ELK4: variants seen among roughly 807,000 people sequenced by gnomAD.
ELK4 encodes the protein ETS domain-containing protein Elk-4.
ELK4 carries 16 observed loss-of-function variants against 29.6 expected under a neutral mutation model. That is an observed-to-expected ratio of 0.54 (90% CI 0.37 to 0.82). The LOEUF (loss-of-function observed/expected upper bound fraction) is 0.82. Ranked by LOEUF, ELK4 falls within the 40% of genes least tolerant of loss-of-function variation. The probability of loss-of-function intolerance (pLI) is 0.00; values close to 1 mark genes in which losing one functional copy is unlikely to be tolerated. For missense variants in ELK4, 465 were observed against 507.1 expected (o/e 0.92, Z 0.80); for synonymous variants, 213 against 191.1 (o/e 1.11, Z -0.95).
At position 205,625,931 on chromosome 1, in the gene ELK4, C is replaced by T. The variant is rs572396754; in HGVS notation, c.-9-2040G>A. The T allele has an allele frequency of 4.0e-4, 321 of 795,174 alleles. 1 individual carries two copies. In the African/African-American group the frequency reaches 4.7e-3, roughly 12 times the overall value. 49.3% of individuals were successfully genotyped at this position (795,174 alleles called of 1,614,324 possible). A position where few individuals can be genotyped will look rare whatever the true frequency, so the allele number is the denominator to read the frequency against. On this transcript the variant is annotated intron_variant, in intron 1 of 4. Transcript: ENST00000357992. ...TGACCTCATGATCCGCCTGCCTTGG[C>T]CTCCCAAAATGCTGGGATTACAGGC... is the stretch of plus-strand genomic sequence containing the variant.
chr1:205,622,092 T>C (rs1196349717), intron 2 of ELK4, among the ~76,000 whole-genome samples: 4 of 151,982 alleles, frequency 2.6e-5, no homozygotes, highest in African/African-American at 2.4e-5. Flanking sequence ...TGCATGTCTG[T>C]AGTCCCAGCT....
chr1:205,627,508 C>CAA (rs767901372), intron 1 of ELK4, among the ~76,000 whole-genome samples: 1 of 119,184 alleles, frequency 8.4e-6, no homozygotes, highest in Non-Finnish European at 1.8e-5. Context: ...GACTCCGCCT[C>CAA]AAAAAAAAAA....
At chr1:205,631,347 C>T (rs1571511854) in intron 1 of ELK4, among the ~76,000 whole-genome samples, 2 of 152,262 alleles carry the variant, frequency 1.3e-5, no homozygotes, top group South Asian at 4.1e-4. Flanking sequence ...ATGAGAATTG[C>T]TCCCCTCCTC....
rs183374329 is a variant in ELK4 at position 205,615,292 on chromosome 1, G to A, written c.*1254C>T. On this transcript the variant is annotated 3_prime_UTR_variant, in exon 5 of 5. Coordinates refer to ENST00000357992, the MANE Select transcript of ELK4 (RefSeq NM_001973.4). ...TGTAGTCCCAGCTACTCAGGAGGCTGAGGCAGGAGAATTGCTTGAACCCGG... is the reference window on the plus strand; with the variant it reads ...TGTAGTCCCAGCTACTCAGGAGGCTAAGGCAGGAGAATTGCTTGAACCCGG... The A allele has an allele frequency of 1.5e-4, 24 of 156,896 alleles. No individual in the cohort carries two copies. Among genetic ancestry groups the A allele is most frequent in the Admixed American group, 4.0e-4 (6 of 14,872 alleles). 9.7% of individuals were successfully genotyped at this position (156,896 alleles called of 1,614,324 possible). A position where few individuals can be genotyped will look rare whatever the true frequency, so the allele number is the denominator to read the frequency against.
chr1:205,616,563 C>G lies in ELK4; in HGVS notation c.1279G>C (p.Asp427His). ...GPSTPGPFSP[D>H]LQKT ...TGCATAGGTTATGTCTTCTGTAGGT[C>G]TGGGGAAAATGGGCCAGGGGTGGAA... is the stretch of plus-strand genomic sequence containing the variant. The change falls in exon 5 of 5, where the codon GAC becomes CAC. Residue 427 changes from aspartate (D) to histidine (H), a missense_variant. Physicochemically the swap from Asp to His is moderately conservative, Grantham distance 81 (BLOSUM62 -1). Around this residue, in one of 2 missense-constraint regions of ELK4, gnomAD observed 80 missense variants for 119.6 expected, o/e 0.67. Transcript: ENST00000357992. 6.2e-7 allele frequency: 1 copy of G among 1,614,112 alleles called. No homozygotes were observed. The highest frequency in any genetic ancestry group is 8.5e-7 in the Non-Finnish European group (1 of 1,180,000).
chr1:205,608,310 A>G lies in ELK4; in HGVS notation c.*8236T>C, dbSNP rs1670103137. 1 of 197,952 alleles carries G rather than the reference A, an allele frequency of 5.1e-6. No homozygotes were observed. Among genetic ancestry groups the G allele is most frequent in the African/African-American group, 2.3e-5 (1 of 43,284 alleles). 12.3% of individuals were successfully genotyped at this position (197,952 alleles called of 1,614,324 possible). ...TTTTTTTCAAGCAGCATATTATTAT[A>G]AAGCCCTCAAAGTGCTTTTGCATCC... is the stretch of plus-strand genomic sequence containing the variant. On this transcript the variant is annotated 3_prime_UTR_variant, in exon 5 of 5. Coordinates refer to ENST00000357992, the MANE Select transcript of ELK4 (RefSeq NM_001973.4).
chr1:205,630,634 GCA>G (rs1286518801), intron 1 of ELK4, among the ~76,000 whole-genome samples: 1 of 152,286 alleles, frequency 6.6e-6, no homozygotes, highest in Non-Finnish European at 1.5e-5. Flanking sequence ...ATAGGATCCT[GCA>G]CAGTTCTTAC....
Position 205,620,622 on chromosome 1 carries a change from T to G in ELK4, c.424A>C (p.Ile142Leu). Residue 142 changes from isoleucine to leucine, a missense_variant, in exon 3 of 5, where the codon ATA becomes CTA. Physicochemically the swap from Ile to Leu is conservative, Grantham distance 5. Transcript: ENST00000357992. ...GAKTSSRNDY[I>L]HSGLYSSFTL... ...AATGAAGAATATAAGCCAGAGTGTA[T>G]GTAGTCATTGCGGCTAGAGGTCTTG... 6.2e-7 allele frequency: 1 copy of G among 1,614,148 alleles called. No homozygotes were observed. The highest frequency in any genetic ancestry group is 8.5e-7 in the Non-Finnish European group (1 of 1,180,024).
At position 205,620,616 on chromosome 1, in the gene ELK4, A is replaced by T; in HGVS notation, c.430T>A (p.Ser144Thr). 1 of 1,614,154 alleles carries T rather than the reference A, an allele frequency of 6.2e-7. No homozygotes were observed. Residue 144 changes from serine (S) to threonine (T), a missense_variant, in exon 3 of 5, where the codon TCT becomes ACT. Ser to Thr is a moderately conservative substitution (Grantham distance 58, BLOSUM62 1). Transcript: ENST00000357992. Reference sequence around the variant, plus strand: ...AGAGTAAATGAAGAATATAAGCCAGAGTGTATGTAGTCATTGCGGCTAGAG... The same window carrying T: ...AGAGTAAATGAAGAATATAAGCCAGTGTGTATGTAGTCATTGCGGCTAGAG... ...KTSSRNDYIH[S>T]GLYSSFTLNS...
chr1:205,630,393 T>C (rs1356931297), intron 1 of ELK4, among the ~76,000 whole-genome samples: 1 of 152,228 alleles, frequency 6.6e-6, no homozygotes, highest in Non-Finnish European at 1.5e-5. Flanking sequence ...ATGTTTATAA[T>C]ACACACAGTC....
rs1157041167 is a variant in ELK4, at chr1:205,620,188, A to C, written c.858T>G (p.Ala286=). The C allele has an allele frequency of 1.2e-6, 2 of 1,614,222 alleles. No homozygotes were observed. Among genetic ancestry groups the C allele is most frequent in the South Asian group, 1.1e-5 (1 of 91,084 alleles). The change falls in exon 3 of 5, where the codon GCT becomes GCG. Residue 286 remains alanine, a synonymous_variant. Coordinates refer to ENST00000357992, the MANE Select transcript of ELK4 (RefSeq NM_001973.4). ...TCTCTGGAAGTTCCATTGGCTGAGAAGCCACTGAATCAATGTCTGTGTCGA... is the reference window on the plus strand; with the variant it reads ...TCTCTGGAAGTTCCATTGGCTGAGACGCCACTGAATCAATGTCTGTGTCGA... ...PDIDTDIDSV[A]SQPMELPENL... is the part of the protein sequence containing the mutation.
rs1670147875 is a variant in ELK4, at chr1:205,611,328, C to G, written c.*5218G>C. The G allele has an allele frequency of 4.8e-6, 1 of 210,258 alleles. No individual in the cohort carries two copies. Among genetic ancestry groups the G allele is most frequent in the Non-Finnish European group, 9.6e-6 (1 of 103,678 alleles). 13.0% of individuals were successfully genotyped at this position (210,258 alleles called of 1,614,324 possible). ...GTATAGTAACAGGTTCCACCAAGTA[C>G]AAGAAATAAAATCAAACCACCTTCT... On this transcript the variant is annotated 3_prime_UTR_variant, in exon 5 of 5. Coordinates refer to ENST00000357992, the MANE Select transcript of ELK4 (RefSeq NM_001973.4).
Position 205,611,082 on chromosome 1 carries a change from T to C in ELK4, c.*5464A>G, listed in dbSNP as rs1237226127. The C allele has an allele frequency of 4.6e-6, 1 of 216,584 alleles. No individual in the cohort carries two copies. Among genetic ancestry groups the C allele is most frequent in the Non-Finnish European group, 9.3e-6 (1 of 107,676 alleles). 13.4% of individuals were successfully genotyped at this position (216,584 alleles called of 1,614,324 possible). ...TCTGTAGAAAGCTTAGAGCCAGTAT[T>C]TCCCCTCTCATACAAACCACTCTGG... On this transcript the variant is annotated 3_prime_UTR_variant, in exon 5 of 5. Transcript: ENST00000357992.
chr1:205,625,435 C>T (rs1022904758), intron 1 of ELK4: 1 of 560,500 alleles, frequency 1.8e-6, no homozygotes, highest in Non-Finnish European at 3.3e-6. Flanking sequence ...CCTCCCGGCT[C>T]CCCCAGGTTC....
At chr1:205,630,947 A>C (rs540358739) in intron 1 of ELK4, among the ~76,000 whole-genome samples, 149 of 152,334 alleles carry the variant, frequency 9.8e-4, no homozygotes, top group African/African-American at 3.4e-3. Flanking sequence ...TAAATTCCCC[A>C]AATTTCAAAT....
chr1:205,627,576 A>G (rs913927012), intron 1 of ELK4, among the ~76,000 whole-genome samples: 2 of 152,218 alleles, frequency 1.3e-5, no homozygotes, highest in African/African-American at 4.8e-5. Flanking sequence ...AACCCACAGC[A>G]TATTACACCT....
Position 205,620,820 on chromosome 1 carries a change from T to C in ELK4, c.226A>G (p.Asn76Asp). The C allele has an allele frequency of 6.2e-7, 1 of 1,609,918 alleles. No individual in the cohort carries two copies. Among genetic ancestry groups the C allele is most frequent in the Non-Finnish European group, 8.5e-7 (1 of 1,178,862 alleles). ...YYVKNIIKKV[N>D]GQKFVYKFVS... ...AACTTGTACACAAACTTCTGACCAT[T>C]CACTTTTTTGATGATATTCTGTAGG... The change falls in exon 3 of 5, where the codon AAT (asparagine) becomes GAT (aspartate). Residue 76 changes from asparagine to aspartate, a missense_variant. Around this residue, in one of 2 missense-constraint regions of ELK4, gnomAD observed 385 missense variants for 387.5 expected, o/e 0.99. Coordinates refer to ENST00000357992, the MANE Select transcript of ELK4 (RefSeq NM_001973.4).
chr1:205,629,256 A>G (rs928857568), intron 1 of ELK4, among the ~76,000 whole-genome samples: 2 of 152,152 alleles, frequency 1.3e-5, no homozygotes, highest in Non-Finnish European at 2.9e-5. Context: ...AAAAAGATAT[A>G]AAGTGGACAT....
intron 4 of ELK4, among the ~76,000 whole-genome samples, chr1:205,618,347 A>T (rs1250852567): frequency 1.3e-5 from 2 of 150,868 alleles, no homozygotes; most frequent in Non-Finnish European, 3.0e-5. Context: ...TTTTTTTTTT[A>T]AATAGAGAAT....
Sources: gnomAD v4.1 joint callset for allele counts (sites outside exome capture counted in the v4.1 genomes callset) on GRCh38, gnomAD v4.1.1 for gene constraint, gnomAD v4.1.1 regional missense constraint, MANE v1.5 for transcripts, NCBI Gene and HGNC (gene_info 2026-07-23, HGNC 2026-07-21) for gene names.